The following XKR9 variants were observed in gnomAD, a reference collection of about 807,000 sequenced individuals.
XKR9 encodes the protein XK-related protein 9.
In XKR9, 32 loss-of-function variants were observed where a neutral mutation model predicts 32.0. The ratio of observed to expected loss-of-function variants is 1.00; its 90% CI spans 0.76 to 1.34. XKR9 has a LOEUF of 1.34. XKR9 is among the 40% of genes most tolerant of loss of function. XKR9 has a pLI of 0.00. For synonymous variants in XKR9, 168 were observed against 143.4 expected (o/e 1.17, Z -1.22); for missense variants, 546 against 429.7 (o/e 1.27, Z -2.39).
chr8:70,974,466 C>T, the XKR9 span, among the ~76,000 whole-genome samples: 30 of 152,248 alleles, frequency 2.0e-4, no homozygotes, highest in African/African-American at 6.7e-4. Flanking sequence ...TTGTTCAATT[C>T]CCACCTATGA....
chr8:70,770,989 G>A (rs1462264317), intron 2 of XKR9, among the ~76,000 whole-genome samples: 1 of 152,166 alleles, frequency 6.6e-6, no homozygotes, highest in East Asian at 1.9e-4. Context: ...CTAGCTTGGT[G>A]TCTGCTCAAA....
the XKR9 span, among the ~76,000 whole-genome samples, chr8:70,942,285 G>C: frequency 6.6e-6 from 1 of 152,104 alleles, no homozygotes; most frequent in Non-Finnish European, 1.5e-5. Flanking sequence ...GTTAAAAAGC[G>C]ATCTTAGTTG....
the XKR9 span, among the ~76,000 whole-genome samples, chr8:70,991,050 T>C: frequency 6.6e-6 from 1 of 152,214 alleles, no homozygotes; most frequent in South Asian, 2.1e-4. Flanking sequence ...CTTGATTTAG[T>C]GATCCTTATT....
At chr8:70,739,891 G>T (rs1424948759), downstream of XKR9, among the ~76,000 whole-genome samples, 3 of 152,140 alleles carry the variant, frequency 2.0e-5, no homozygotes, top group African/African-American at 7.2e-5. Context: ...CTCTCTGGCT[G>T]CCCTTAACAT....
chr8:70,726,035 G>A (rs1014937866), intron 4 of XKR9, among the ~76,000 whole-genome samples: 7 of 152,174 alleles, frequency 4.6e-5, no homozygotes, highest in Non-Finnish European at 1.0e-4. Flanking sequence ...GTTATAATGT[G>A]TCTGAGCAGA....
chr8:70,979,397 A>T, the XKR9 span, among the ~76,000 whole-genome samples: 3 of 152,090 alleles, frequency 2.0e-5, no homozygotes, highest in East Asian at 5.8e-4. Context: ...GTGTTTGATG[A>T]TGGTGACGTA....
chr8:70,974,108 G>A, the XKR9 span, among the ~76,000 whole-genome samples: 1 of 151,914 alleles, frequency 6.6e-6, no homozygotes, highest in East Asian at 1.9e-4. Flanking sequence ...CATCTCTTAG[G>A]TCTAGTAGTA....
At chr8:70,716,966 A>G (rs746416544) in intron 4 of XKR9, among the ~76,000 whole-genome samples, 1 of 152,214 alleles carries the variant, frequency 6.6e-6, no homozygotes, top group African/African-American at 2.4e-5. Context: ...GCCAAAACAA[A>G]GGGGCAACAG....
chr8:71,001,064 T>G, the XKR9 span, among the ~76,000 whole-genome samples: 1 of 152,192 alleles, frequency 6.6e-6, no homozygotes, highest in Non-Finnish European at 1.5e-5. Context: ...GAAATCTGTT[T>G]CCCATAGTCT....
At chr8:70,780,417 G>A (rs1406197395) in intron 2 of XKR9, among the ~76,000 whole-genome samples, 1 of 151,802 alleles carries the variant, frequency 6.6e-6, no homozygotes, top group African/African-American at 2.4e-5. Context: ...ACAAATTTTG[G>A]CATATTGTGT....
At chr8:71,023,017 G>C in the XKR9 span, among the ~76,000 whole-genome samples, 1 of 150,520 alleles carries the variant, frequency 6.6e-6, no homozygotes, top group East Asian at 2.0e-4. Flanking sequence ...TGCTTTCTTT[G>C]TATTGCTTAC....
chr8:70,750,535 T>C (rs751093669), intron 2 of XKR9, among the ~76,000 whole-genome samples: 7 of 152,190 alleles, frequency 4.6e-5, no homozygotes, highest in Non-Finnish European at 1.0e-4. Flanking sequence ...ATGTACATCT[T>C]TTTTAAAAAT....
At chr8:70,778,286 G>C (rs1315629632) in intron 2 of XKR9, among the ~76,000 whole-genome samples, 1 of 152,120 alleles carries the variant, frequency 6.6e-6, no homozygotes, top group Middle Eastern at 3.2e-3. Flanking sequence ...TGAGGCCTCT[G>C]TTCTGTGCCA....
chr8:71,025,640 G>C, the XKR9 span, among the ~76,000 whole-genome samples: 2 of 152,180 alleles, frequency 1.3e-5, no homozygotes, highest in Non-Finnish European at 2.9e-5. Flanking sequence ...GCTCCCTGAT[G>C]GAGAAAAGCC....
the XKR9 span, among the ~76,000 whole-genome samples, chr8:70,820,973 A>G: frequency 6.6e-6 from 1 of 152,170 alleles, no homozygotes; most frequent in South Asian, 2.1e-4. Flanking sequence ...CATTCCCAAC[A>G]GTCCCCCAAA....
chr8:71,043,294 T>C, the XKR9 span, among the ~76,000 whole-genome samples: 2 of 152,204 alleles, frequency 1.3e-5, no homozygotes, highest in African/African-American at 2.4e-5. Flanking sequence ...ATCCAAGGTT[T>C]ATCAGTACCA....
chr8:70,920,227 T>C, the XKR9 span, among the ~76,000 whole-genome samples: 1 of 152,206 alleles, frequency 6.6e-6, no homozygotes, highest in Non-Finnish European at 1.5e-5. Flanking sequence ...TACATGTTTT[T>C]AAATCAATGA....
the XKR9 span, among the ~76,000 whole-genome samples, chr8:70,925,602 A>G: frequency 6.6e-6 from 1 of 152,248 alleles, no homozygotes; most frequent in African/African-American, 2.4e-5. Context: ...GCATAATAGG[A>G]GAAATGTCAC....
chr8:71,036,535 CA>C, the XKR9 span, among the ~76,000 whole-genome samples: 1 of 151,976 alleles, frequency 6.6e-6, no homozygotes, highest in African/African-American at 2.4e-5. Flanking sequence ...GGTCAAAGAA[CA>C]GGGGATAATT....
Sources: allele counts gnomAD v4.1 joint callset (sites outside exome capture counted in the v4.1 genomes callset), GRCh38; gene constraint gnomAD v4.1.1; transcripts MANE v1.5; gene names NCBI Gene and HGNC (gene_info 2026-07-23, HGNC 2026-07-21).